CCDC169: variants seen among roughly 807,000 people sequenced by gnomAD.
CCDC169 encodes the protein coiled-coil domain containing 169, also known as coiled-coil domain-containing protein 169.
In CCDC169, 30 loss-of-function variants were observed where a neutral mutation model predicts 36.0. The ratio of observed to expected loss-of-function variants is 0.83; its 90% CI spans 0.62 to 1.13. CCDC169 has a LOEUF of 1.13. Ranked by LOEUF, CCDC169 falls within the 50% of genes most tolerant of loss-of-function variation. The pLI, the probability that CCDC169 is intolerant of heterozygous loss-of-function variation, is 0.00. For missense variants in CCDC169, 245 were observed against 245.9 expected (o/e 1.00, Z 0.03); for synonymous variants, 85 against 81.5 (o/e 1.04, Z -0.23).
intron 6 of CCDC169, 132 bp from the exon 7 acceptor site, chr13:36,248,814 A>C: frequency 1.3e-6 from 1 of 769,828 alleles, no homozygotes; most frequent in Non-Finnish European, 2.1e-6. Context: ...AAGCTGAGAA[A>C]AATGGGAAAT....
intron 7 of CCDC169, among the ~76,000 whole-genome samples, chr13:36,242,550 G>GT (rs910585544): frequency 1.3e-5 from 2 of 151,894 alleles, no homozygotes; most frequent in Admixed American, 6.6e-5. Context: ...ATATTTCTAT[G>GT]TTTCTATTAG....
rs1877821052 is a variant in CCDC169 at position 36,283,669 on chromosome 13, A to C, written c.197T>G (p.Leu66Arg). ...SEWKTRYETQLELNDELEKQI... is the reference protein window; with the variant it reads ...SEWKTRYETQRELNDELEKQI... Reference sequence around the variant, plus strand: ...CTTTTCTAGTTCATCATTTAATTCAAGTTGTGTCTCATAACGGGTTTTCCA... The same window carrying C: ...CTTTTCTAGTTCATCATTTAATTCACGTTGTGTCTCATAACGGGTTTTCCA... The change falls in exon 3 of 8, where the codon CTT (leucine) becomes CGT (arginine). Residue 66 changes from leucine to arginine, a missense_variant. By Grantham distance (102) the Leu-to-Arg change is moderately radical. Transcript: ENST00000239859. 1 of 1,551,074 alleles carries C rather than the reference A, an allele frequency of 6.4e-7. No homozygotes were observed. Among genetic ancestry groups the C allele is most frequent in the South Asian group, 1.2e-5 (1 of 84,060 alleles).
chr13:36,236,156 T>C (rs930531511), intron 7 of CCDC169, among the ~76,000 whole-genome samples: 6 of 151,818 alleles, frequency 4.0e-5, no homozygotes, highest in Admixed American at 2.0e-4. Context: ...AAGTGGATCC[T>C]AAATCCACAT....
intron 4 of CCDC169, among the ~76,000 whole-genome samples, chr13:36,275,519 T>A (rs1457129975): frequency 1.3e-5 from 2 of 152,152 alleles, no homozygotes; most frequent in Non-Finnish European, 2.9e-5. Context: ...ACAGAACACC[T>A]CAGGAGGCAG....
chr13:36,254,269 T>G, intron 4 of CCDC169, 126 bp from the exon 5 acceptor site: 1 of 522,306 alleles, frequency 1.9e-6, no homozygotes, highest in Non-Finnish European at 3.1e-6. Flanking sequence ...AATTCTATGA[T>G]ATGTACTTTT....
intron 4 of CCDC169, chr13:36,274,305 A>G (rs1177931984): frequency 1.3e-5 from 2 of 152,220 alleles, no homozygotes; most frequent in African/African-American, 4.8e-5. Context: ...TACATACCAG[A>G]GATCCTTGAA....
At chr13:36,285,622 C>CATAGATAG (rs374669787) in intron 2 of CCDC169, among the ~76,000 whole-genome samples, 2 of 19,254 alleles carry the variant, frequency 1.0e-4, no homozygotes, top group Non-Finnish European at 3.1e-4. Flanking sequence ...TAGATAGATA[C>CATAGATAG]ATAGATACAT....
chr13:36,250,948 C>T (rs1873073660), intron 6 of CCDC169, among the ~76,000 whole-genome samples: 2 of 152,218 alleles, frequency 1.3e-5, no homozygotes, highest in South Asian at 4.1e-4. Flanking sequence ...CTCAATCTCT[C>T]AGAGCCATTG....
At chr13:36,275,672 A>G (rs1876710374) in intron 4 of CCDC169, among the ~76,000 whole-genome samples, 1 of 152,240 alleles carries the variant, frequency 6.6e-6, no homozygotes, top group African/African-American at 2.4e-5. Context: ...CAAAAGGCAT[A>G]AACTACCACA....
chr13:36,265,715 C>A (rs1875204466), intron 4 of CCDC169, among the ~76,000 whole-genome samples: 1 of 152,308 alleles, frequency 6.6e-6, no homozygotes, highest in South Asian at 2.1e-4. Flanking sequence ...TTTATTTGGT[C>A]TTTTCCCTAC....
At chr13:36,249,107 G>A in intron 6 of CCDC169, among the ~76,000 whole-genome samples, 1 of 152,152 alleles carries the variant, frequency 6.6e-6, no homozygotes, top group Non-Finnish European at 1.5e-5. Context: ...AATTCCTCCA[G>A]GATATAAAAG....
At chr13:36,280,101 G>A (rs1471202608) in intron 4 of CCDC169, 12 of 151,952 alleles carry the variant, frequency 7.9e-5, no homozygotes, top group Admixed American at 7.2e-4. Flanking sequence ...ATTAAATAAT[G>A]AGTAAAAGAA....
chr13:36,295,533 G>C (rs1160393821), intron 2 of CCDC169, among the ~76,000 whole-genome samples: 1 of 152,106 alleles, frequency 6.6e-6, no homozygotes, highest in Non-Finnish European at 1.5e-5. Context: ...ATGTAACAAA[G>C]TTTTTGCTAA....
rs1476057105 is a variant in CCDC169, at chr13:36,272,107, A to C, written c.315+11362T>G. The stretch of plus-strand genomic sequence containing the variant: ...CTCAAAAAAAAAAAAAACTAAAAAA[A>C]TAAATAAATAAATAAAATAAAATAA... On this transcript the variant is annotated intron_variant, in intron 4 of 7. Coordinates refer to ENST00000239859, the MANE Select transcript of CCDC169 (RefSeq NM_001144981.3). 6.5e-4 allele frequency among the ~76,000 whole-genome samples: 88 copies of C among 136,390 alleles called. No homozygotes were observed. In the South Asian group the frequency reaches 6.9e-3, roughly 11 times the overall value. 89.5% of individuals were successfully genotyped at this position (136,390 alleles called of 152,430 possible).
chr13:36,267,009 A>G (rs187923691), intron 4 of CCDC169, among the ~76,000 whole-genome samples: 2 of 152,320 alleles, frequency 1.3e-5, no homozygotes, highest in African/African-American at 4.8e-5. Flanking sequence ...ATGCCCATGT[A>G]AAAGGAAATA....
intron 2 of CCDC169, among the ~76,000 whole-genome samples, chr13:36,291,122 T>A (rs1925847): frequency 1.3e-5 from 2 of 151,908 alleles, no homozygotes; most frequent in South Asian, 4.1e-4. Flanking sequence ...CACTATACCT[T>A]CCCCCAATTT....
intron 4 of CCDC169, among the ~76,000 whole-genome samples, chr13:36,270,589 A>G (rs1366129428): frequency 2.0e-5 from 3 of 152,236 alleles, no homozygotes; most frequent in African/African-American, 7.2e-5. Flanking sequence ...GATTAATGGA[A>G]CAGAATAGAG....
chr13:36,297,393 G>T (rs1879652088), intron 1 of CCDC169, among the ~76,000 whole-genome samples: 1 of 152,194 alleles, frequency 6.6e-6, no homozygotes, highest in African/African-American at 2.4e-5. Flanking sequence ...CACGCCATAT[G>T]ATTGGATCCT....
At chr13:36,296,662 G>T (rs1211285465) in intron 1 of CCDC169, among the ~76,000 whole-genome samples, 2 of 152,334 alleles carry the variant, frequency 1.3e-5, no homozygotes, top group East Asian at 1.9e-4. Flanking sequence ...TCAAGGCATT[G>T]TATTAAATAC....
Sources: gnomAD v4.1 joint callset for allele counts (sites outside exome capture counted in the v4.1 genomes callset) on GRCh38, gnomAD v4.1.1 for gene constraint, MANE v1.5 for transcripts, NCBI Gene and HGNC (gene_info 2026-07-23, HGNC 2026-07-21) for gene names.